The following DCLRE1C variants were observed in gnomAD, a reference collection of about 807,000 sequenced individuals.
DCLRE1C encodes the protein DNA cross-link repair 1C, also known as protein artemis.
Under a neutral mutation model 61.4 loss-of-function variants are expected in DCLRE1C, and 47 were observed. The observed-to-expected ratio is 0.77, with a 90% CI of 0.61 to 0.98. The LOEUF is 0.98. Among genes scored for constraint, DCLRE1C ranks in the 50% least tolerant of loss-of-function variants. The pLI, the probability that DCLRE1C is intolerant of heterozygous loss-of-function variation, is 0.00. For synonymous variants in DCLRE1C, 337 were observed against 287.6 expected (o/e 1.17, Z -1.74); for missense variants, 858 against 816.0 (o/e 1.05, Z -0.63).
rs1167636382 is a variant in DCLRE1C, at chr10:14,905,895, T to C, written c.*2513A>G. Among the ~76,000 whole-genome samples the C allele has an allele frequency of 6.6e-6, 1 of 152,046 alleles. No individual in the cohort carries two copies. Among genetic ancestry groups the C allele is most frequent in the East Asian group, 1.9e-4 (1 of 5,196 alleles). On this transcript the variant is annotated 3_prime_UTR_variant, in exon 14 of 14. Transcript: ENST00000378278. ...TACTTGGGAGGCTGAGGCAGGAAAA[T>C]CACTTGAACCCTGGAGGCTGAGGTT... is the stretch of plus-strand genomic sequence containing the variant.
rs1221369467 is a variant in DCLRE1C at position 14,941,026 on chromosome 10, G to A, written c.247-1157C>T. 6.6e-5 allele frequency among the ~76,000 whole-genome samples: 10 copies of A among 152,274 alleles called. 1 individual carries two copies. The East Asian group carries it at 1.9e-3, about 29-fold the overall frequency. ...CCCTCCTGAGCAGCTGGGACTACAG[G>A]CACCCGCCACCATGCCTGGCTAATG... On this transcript the variant is annotated intron_variant, in intron 3 of 13. Coordinates refer to ENST00000378278, the MANE Select transcript of DCLRE1C (RefSeq NM_001033855.3).
At chr10:14,935,593 C>G (rs1839775843) in intron 5 of DCLRE1C, 29 bp from the exon 6 acceptor site, 2 of 1,604,228 alleles carry the variant, frequency 1.2e-6, no homozygotes, top group Middle Eastern at 1.7e-4. Flanking sequence ...CCAGTGACTT[C>G]TGAGTCTCAT....
intron 12 of DCLRE1C, among the ~76,000 whole-genome samples, chr10:14,921,640 C>G (rs1208600538): frequency 6.6e-6 from 1 of 152,174 alleles, no homozygotes; most frequent in African/African-American, 2.4e-5. Flanking sequence ...AACGGGACAC[C>G]TGGTAGTCCC....
intron 13 of DCLRE1C, among the ~76,000 whole-genome samples, chr10:14,912,428 A>AC (rs959005101): frequency 8.6e-5 from 13 of 151,834 alleles, no homozygotes; most frequent in African/African-American, 2.2e-4. Flanking sequence ...CCAAAATTCT[A>AC]CCCCCCACAA....
At position 14,928,063 on chromosome 10, in the gene DCLRE1C, G is replaced by T. The variant is rs764386986; in HGVS notation, c.870C>A (p.Ser290=). The change falls in exon 10 of 14, where the codon TCC becomes TCA. Residue 290 remains serine, a synonymous_variant. Transcript: ENST00000378278. ...IPLHIISIKP[S]TMWFGERSRK... is the part of the protein sequence containing the mutation. ...TGCTCCTTTCTCCAAACCACATGGT[G>T]GATGGCTTAATGCTGATTATGTGGA... 1 of 1,613,794 alleles carries T rather than the reference G, an allele frequency of 6.2e-7. No homozygotes were observed. The highest frequency in any genetic ancestry group is 8.5e-7 in the Non-Finnish European group (1 of 1,179,896).
chr10:14,936,030 A>T (rs1276183852), intron 5 of DCLRE1C, among the ~76,000 whole-genome samples: 3 of 152,130 alleles, frequency 2.0e-5, no homozygotes, highest in Non-Finnish European at 4.4e-5. Flanking sequence ...AGTAGCTGGG[A>T]CTACAGGGGT....
In DCLRE1C at chr10:14,908,871, T is replaced by C. The variant is rs1331013284; in HGVS notation, c.1616A>G (p.Gln539Arg). The change falls in exon 14 of 14, where the codon CAG becomes CGG. Residue 539 changes from glutamine to arginine, a missense_variant. Physicochemically the swap from Gln to Arg is conservative, Grantham distance 43. Coordinates refer to ENST00000378278, the MANE Select transcript of DCLRE1C (RefSeq NM_001033855.3). ...TCCTTGTTCTGTTATGTGTGTTGAC[T>C]GGGAAGAATTCTGGGAGGAGATGTG... ...STHISSQNSSQSTHITEQGSQ... is the reference protein window; with the variant it reads ...STHISSQNSSRSTHITEQGSQ... 4.3e-6 allele frequency: 7 copies of C among 1,614,216 alleles called. No individual in the cohort carries two copies. The highest frequency in any genetic ancestry group is 5.1e-6 in the Non-Finnish European group (6 of 1,180,038).
At chr10:14,946,698 G>C (rs1009458942) in intron 2 of DCLRE1C, among the ~76,000 whole-genome samples, 1 of 151,516 alleles carries the variant, frequency 6.6e-6, no homozygotes, top group African/African-American at 2.4e-5. Context: ...GGAGCTCACT[G>C]TCACCCAGGC....
intron 9 of DCLRE1C, among the ~76,000 whole-genome samples, chr10:14,929,216 C>A (rs1051605495): frequency 2.0e-5 from 3 of 151,954 alleles, no homozygotes; most frequent in African/African-American, 7.3e-5. Context: ...ACCAGTCTGA[C>A]CAACATGGTG....
intron 3 of DCLRE1C, among the ~76,000 whole-genome samples, chr10:14,944,561 AC>A (rs1205408893): frequency 6.6e-6 from 1 of 152,094 alleles, no homozygotes; most frequent in Non-Finnish European, 1.5e-5. Flanking sequence ...GATTAAGCAA[AC>A]AAAACTGAGA....
rs190147595 is a variant in DCLRE1C, at chr10:14,925,927, G to T, written c.972+916C>A. ...GACCAGTGGGAGGCAATTTAATCAC[G>T]GGGGTGGCTACCTCCATACTGTTCT... On this transcript the variant is annotated intron_variant, in intron 11 of 13. Coordinates refer to ENST00000378278, the MANE Select transcript of DCLRE1C (RefSeq NM_001033855.3). Among the ~76,000 whole-genome samples, 603 of 152,260 alleles carry T rather than the reference G, an allele frequency of 4.0e-3. 1 individual carries two copies. Among genetic ancestry groups the T allele is most frequent in the African/African-American group, 0.014 (576 of 41,534 alleles).
chr10:14,915,516 C>T (rs1212730756), intron 13 of DCLRE1C, among the ~76,000 whole-genome samples: 2 of 150,984 alleles, frequency 1.3e-5, no homozygotes, highest in Admixed American at 1.3e-4. Context: ...AAGTTTATGC[C>T]AAAAAATTAA....
intron 6 of DCLRE1C, 121 bp downstream of exon 6, chr10:14,935,342 T>C (rs1839732443): frequency 3.8e-5 from 42 of 1,100,512 alleles, no homozygotes; most frequent in South Asian, 1.3e-4. Flanking sequence ...GGCACGTACC[T>C]GTTATCCCAG....
At chr10:14,924,997 C>T (rs1837722880) in intron 11 of DCLRE1C, among the ~76,000 whole-genome samples, 3 of 151,842 alleles carry the variant, frequency 2.0e-5, no homozygotes, top group African/African-American at 7.3e-5. Context: ...CTGAAAGAGG[C>T]AGAAACCCAA....
At chr10:14,945,525 T>C (rs1274302843) in intron 2 of DCLRE1C, 5 of 1,110,372 alleles carry the variant, frequency 4.5e-6, no homozygotes, top group East Asian at 7.0e-5. Flanking sequence ...TCCCTCACCA[T>C]TGTTACTTGG....
chr10:14,953,462 C>T (rs1268106265), intron 1 of DCLRE1C, among the ~76,000 whole-genome samples: 1 of 152,088 alleles, frequency 6.6e-6, no homozygotes, highest in Non-Finnish European at 1.5e-5. Context: ...GCTTGCACTT[C>T]GTGGAGCTCT....
chr10:14,928,635 C>T (rs1838430921), intron 9 of DCLRE1C, among the ~76,000 whole-genome samples: 1 of 152,080 alleles, frequency 6.6e-6, no homozygotes, highest in Non-Finnish European at 1.5e-5. Context: ...TTCTCAAGAG[C>T]CACAGGCTGA....
intron 2 of DCLRE1C, among the ~76,000 whole-genome samples, chr10:14,948,651 G>C (rs967210776): frequency 9.2e-5 from 14 of 151,908 alleles, no homozygotes; most frequent in African/African-American, 3.1e-4. Context: ...TGAGGCAGGA[G>C]GATCACCTGA....
chr10:14,918,639 A>G (rs554933216), intron 13 of DCLRE1C, among the ~76,000 whole-genome samples: 21 of 152,102 alleles, frequency 1.4e-4, no homozygotes, highest in South Asian at 4.1e-4. Context: ...TAAAAAAAAA[A>G]AAAAAGAAAA....
Sources: gnomAD v4.1 joint callset for allele counts (sites outside exome capture counted in the v4.1 genomes callset) on GRCh38, gnomAD v4.1.1 for gene constraint, MANE v1.5 for transcripts, NCBI Gene and HGNC (gene_info 2026-07-23, HGNC 2026-07-21) for gene names.